The following FHIT variants were observed in gnomAD, a reference collection of about 807,000 sequenced individuals.
The protein encoded by FHIT is fragile histidine triad diadenosine triphosphatase, also known as bis(5'-adenosyl)-triphosphatase.
FHIT carries 19 observed loss-of-function variants against 17.9 expected under a neutral mutation model. That is an observed-to-expected ratio of 1.06 (90% CI 0.74 to 1.56). FHIT has a LOEUF of 1.56. Among genes scored for constraint, FHIT ranks in the 40% most tolerant of loss-of-function variants. The pLI is 0.00. For missense variants in FHIT, 248 were observed against 189.2 expected (o/e 1.31, Z -1.82); for synonymous variants, 81 against 69.7 (o/e 1.16, Z -0.81).
rs1245979708 is a variant in FHIT at position 60,690,132 on chromosome 3, C to G, written c.-18+131787G>C. ...GAACTGCAGTGAAAGCACAAAGATT[C>G]TAGGATACTGCGAGCAAATGGGGTG... On this transcript the variant is annotated intron_variant, in intron 4 of 9. Transcript: ENST00000492590. 9.6e-5 allele frequency: 38 copies of G among 396,574 alleles called. No individual in the cohort carries two copies. In the Admixed American group the frequency reaches 1.1e-3, roughly 12 times the overall value. The allele number at this position is 396,574 out of a possible 1,614,324, so 24.6% of individuals were successfully genotyped here.
chr3:60,626,489 TCA>T (rs1559594511), intron 4 of FHIT, among the ~76,000 whole-genome samples: 1 of 152,206 alleles, frequency 6.6e-6, no homozygotes, highest in African/African-American at 2.4e-5. Flanking sequence ...TGGAATTTTC[TCA>T]GTTTCATTTT....
chr3:60,293,786 T>C (rs1245262243), intron 5 of FHIT, among the ~76,000 whole-genome samples: 4 of 152,148 alleles, frequency 2.6e-5, no homozygotes, highest in African/African-American at 9.7e-5. Flanking sequence ...GCTCACAAAA[T>C]GTACTTAAAA....
At chr3:59,823,455 T>C (rs910627998) in intron 8 of FHIT, among the ~76,000 whole-genome samples, 37 of 152,044 alleles carry the variant, frequency 2.4e-4, no homozygotes, top group African/African-American at 7.5e-4. Context: ...CTTAAGAAAA[T>C]ACTTGCTAAC....
rs2039757364 is a variant in FHIT, at chr3:60,642,703, G to C, written c.-17-105724C>G. On this transcript the variant is annotated intron_variant, in intron 4 of 9. Transcript: ENST00000492590. ...GGTGGAAACAATCTCAAGATCAGAT[G>C]GGAGAGGAGTATCCTCTTCCCCCCA... Among the ~76,000 whole-genome samples the C allele has an allele frequency of 2.0e-5, 3 of 152,106 alleles. No individual in the cohort carries two copies. In the South Asian group the frequency reaches 6.2e-4, roughly 32 times the overall value.
At chr3:61,111,904 G>C (rs529078446) in intron 2 of FHIT, among the ~76,000 whole-genome samples, 2 of 152,302 alleles carry the variant, frequency 1.3e-5, no homozygotes, top group African/African-American at 4.8e-5. Flanking sequence ...AGTCAAAACT[G>C]AACTCACAAA....
chr3:59,961,367 C>A (rs972020407), intron 7 of FHIT, among the ~76,000 whole-genome samples: 1 of 152,086 alleles, frequency 6.6e-6, no homozygotes, highest in African/African-American at 2.4e-5. Flanking sequence ...ATTTAACTAA[C>A]ACCTGGTTCC....
At chr3:60,614,316 A>C (rs1278548182) in intron 4 of FHIT, among the ~76,000 whole-genome samples, 2 of 152,222 alleles carry the variant, frequency 1.3e-5, no homozygotes, top group African/African-American at 4.8e-5. Flanking sequence ...AAGACTTAAG[A>C]ATAACCTAAA....
At chr3:60,501,415 A>C (rs188010979) in intron 5 of FHIT, among the ~76,000 whole-genome samples, 33 of 152,276 alleles carry the variant, frequency 2.2e-4, no homozygotes, top group African/African-American at 7.9e-4. Flanking sequence ...TTTTCTTTTA[A>C]AAGATCCAAA....
chr3:60,573,535 C>CA (rs1385039734), intron 4 of FHIT, among the ~76,000 whole-genome samples: 3 of 152,114 alleles, frequency 2.0e-5, no homozygotes, highest in Non-Finnish European at 4.4e-5. Context: ...TCTGTCCCCT[C>CA]AGTAACAAAC....
At chr3:60,066,516 C>CCTAAT (rs1576016016) in intron 5 of FHIT, among the ~76,000 whole-genome samples, 1 of 152,116 alleles carries the variant, frequency 6.6e-6, no homozygotes, top group East Asian at 1.9e-4. Context: ...CTGTTCTGGC[C>CCTAAT]CTAATGACCT....
intron 5 of FHIT, among the ~76,000 whole-genome samples, chr3:60,470,545 C>A (rs1464887279): frequency 6.6e-6 from 1 of 151,904 alleles, no homozygotes; most frequent in East Asian, 1.9e-4. Context: ...ACTCGAGGTC[C>A]AAGGGCTCTT....
chr3:59,826,493 C>T (rs917850882), intron 8 of FHIT, among the ~76,000 whole-genome samples: 5 of 152,240 alleles, frequency 3.3e-5, no homozygotes, highest in Admixed American at 2.0e-4. Flanking sequence ...CTCCTCTCAC[C>T]ATCTACTCAC....
chr3:60,982,361 T>C (rs1033452664), intron 3 of FHIT, among the ~76,000 whole-genome samples: 2 of 152,256 alleles, frequency 1.3e-5, no homozygotes, highest in Non-Finnish European at 2.9e-5. Context: ...TTGGGCCAGC[T>C]TCTTAGCTTC....
intron 2 of FHIT, among the ~76,000 whole-genome samples, chr3:61,087,310 T>C (rs373700826): frequency 1.3e-5 from 2 of 152,120 alleles, no homozygotes; most frequent in Non-Finnish European, 2.9e-5. Context: ...AAACTAAGAA[T>C]ATGTAACACC....
intron 2 of FHIT, among the ~76,000 whole-genome samples, chr3:61,065,280 C>CAT (rs2034562912): frequency 9.5e-6 from 1 of 105,698 alleles, no homozygotes; most frequent in Non-Finnish European, 2.4e-5. Flanking sequence ...CACACACACA[C>CAT]ACACACACAC....
intron 4 of FHIT, among the ~76,000 whole-genome samples, chr3:60,820,639 A>G (rs1436007183): frequency 1.3e-5 from 2 of 152,160 alleles, no homozygotes; most frequent in African/African-American, 4.8e-5. Context: ...GTGACTTTGG[A>G]ATGAGAGGGA....
At chr3:60,632,215 G>C (rs2039463697) in intron 4 of FHIT, among the ~76,000 whole-genome samples, 1 of 152,120 alleles carries the variant, frequency 6.6e-6, no homozygotes, top group South Asian at 2.1e-4. Context: ...TCTAAGAGTG[G>C]TTAGTGGTGA....
intron 5 of FHIT, among the ~76,000 whole-genome samples, chr3:60,243,886 C>G (rs1490374685): frequency 6.6e-6 from 1 of 152,106 alleles, no homozygotes; most frequent in Non-Finnish European, 1.5e-5. Context: ...GATGTGCTCT[C>G]TAAATTATGT....
At chr3:60,236,602 AT>A in intron 5 of FHIT, among the ~76,000 whole-genome samples, 1 of 152,214 alleles carries the variant, frequency 6.6e-6, no homozygotes, top group African/African-American at 2.4e-5. Flanking sequence ...ATATTCACAT[AT>A]TTTTTAGAGA....
Sources: gnomAD v4.1 joint callset for allele counts (sites outside exome capture counted in the v4.1 genomes callset) on GRCh38, gnomAD v4.1.1 for gene constraint, MANE v1.5 for transcripts, NCBI Gene and HGNC (gene_info 2026-07-23, HGNC 2026-07-21) for gene names.